Variants in DHRS12 observed in about 807,000 individuals in gnomAD.
DHRS12 encodes dehydrogenase/reductase 12.
Under a neutral mutation model 32.1 loss-of-function variants are expected in DHRS12, and 29 were observed. That is an observed-to-expected ratio of 0.90 (90% CI 0.67 to 1.23). DHRS12 has a LOEUF of 1.23. Among genes scored for constraint, DHRS12 ranks in the 50% most tolerant of loss-of-function variants. DHRS12 has a pLI of 0.00. For synonymous variants in DHRS12, 150 were observed against 135.9 expected (o/e 1.10, Z -0.72); for missense variants, 330 against 337.2 (o/e 0.98, Z 0.17).
intron 1 of DHRS12, chr13:51,803,773 C>T: frequency 6.9e-6 from 2 of 291,812 alleles, no homozygotes; most frequent in East Asian, 5.7e-5. Flanking sequence ...GGCGCCGGGG[C>T]CGCCTGACGT....
At chr13:51,767,965 A>C (rs542294069), downstream of DHRS12, 1 of 1,350,668 alleles carries the variant, frequency 7.4e-7, no homozygotes, top group South Asian at 1.9e-5. Context: ...AATGAGACTT[A>C]AAATAAGAAA....
At chr13:51,800,256 T>C (rs1023323860) in intron 1 of DHRS12, among the ~76,000 whole-genome samples, 19 of 152,258 alleles carry the variant, frequency 1.2e-4, no homozygotes, top group African/African-American at 4.3e-4. Context: ...TGCATTATGA[T>C]AATGTTCTGG....
At chr13:51,791,915 G>A (rs915587256) in intron 2 of DHRS12, among the ~76,000 whole-genome samples, 3 of 152,198 alleles carry the variant, frequency 2.0e-5, no homozygotes, top group South Asian at 2.1e-4. Flanking sequence ...CATCCATGTC[G>A]TTGCAGGATT....
At chr13:51,771,516 G>A in intron 7 of DHRS12, 1 of 1,613,478 alleles carries the variant, frequency 6.2e-7, no homozygotes, top group Non-Finnish European at 8.5e-7. Flanking sequence ...AATGACAATG[G>A]TCACCGGCTC....
chr13:51,789,105 C>T (rs939718001), intron 4 of DHRS12, among the ~76,000 whole-genome samples: 1 of 152,160 alleles, frequency 6.6e-6, no homozygotes, highest in Non-Finnish European at 1.5e-5. Context: ...GTTATTCCAT[C>T]GGCTTACTCA....
chr13:51,771,574 CCTG>C, intron 7 of DHRS12: 1 of 1,569,504 alleles, frequency 6.4e-7, no homozygotes, highest in South Asian at 1.2e-5. Flanking sequence ...CCCAGGCGCA[CCTG>C]CTCCCGTTCC....
chr13:51,773,566 T>C (rs1386837184), intron 6 of DHRS12, among the ~76,000 whole-genome samples: 1 of 151,924 alleles, frequency 6.6e-6, no homozygotes, highest in Non-Finnish European at 1.5e-5. Context: ...CCCCTCCCAG[T>C]GAGCCTCCGG....
chr13:51,796,364 C>G (rs550744544), intron 2 of DHRS12, among the ~76,000 whole-genome samples: 1 of 152,260 alleles, frequency 6.6e-6, no homozygotes, highest in East Asian at 1.9e-4. Flanking sequence ...CTGGACGCTC[C>G]ACCTCTGAGT....
chr13:51,782,689 G>A lies in DHRS12; in HGVS notation c.302-5568C>T, dbSNP rs984435537. 3.3e-4 allele frequency among the ~76,000 whole-genome samples: 50 copies of A among 152,138 alleles called. 1 individual carries two copies. The highest frequency in any genetic ancestry group is 7.4e-5 in the Non-Finnish European group (5 of 68,010). ...GATGTCACCCCCTGCTGTCACAGCC[G>A]CAGTATGGGGGTCCTGTGTGCTTCA... On this transcript the variant is annotated intron_variant, in intron 4 of 8. Transcript: ENST00000444610. The surrounding 1 kb of genome is among the most constrained non-coding windows in gnomAD (Gnocchi z 4.2).
chr13:51,768,840 T>C, intron 8 of DHRS12: 2 of 1,325,602 alleles, frequency 1.5e-6, no homozygotes, highest in Non-Finnish European at 1.9e-6. Context: ...CAGTGCAGCT[T>C]TGAATAGCGC....
chr13:51,801,248 G>A (rs1315899175), intron 1 of DHRS12, among the ~76,000 whole-genome samples: 1 of 152,112 alleles, frequency 6.6e-6, no homozygotes, highest in East Asian at 1.9e-4. Flanking sequence ...GTGCAGTGGC[G>A]CGATCTCGGC....
intron 2 of DHRS12, among the ~76,000 whole-genome samples, chr13:51,792,289 T>A (rs982594222): frequency 1.3e-5 from 2 of 152,230 alleles, no homozygotes; most frequent in African/African-American, 4.8e-5. Context: ...AGCAATAGCA[T>A]CCTGAGAGGT....
intron 1 of DHRS12, among the ~76,000 whole-genome samples, chr13:51,801,340 C>A (rs1007187446): frequency 6.6e-6 from 1 of 152,142 alleles, no homozygotes; most frequent in African/African-American, 2.4e-5. Context: ...GCGCCCGTCA[C>A]CACACCCGGC....
chr13:51,789,173 T>C (rs1195476086), intron 4 of DHRS12, among the ~76,000 whole-genome samples: 1 of 152,140 alleles, frequency 6.6e-6, no homozygotes, highest in Non-Finnish European at 1.5e-5. Context: ...CCTCAATGAC[T>C]CCAACAACCA....
chr13:51,797,286 G>C (rs1955550589), intron 2 of DHRS12, among the ~76,000 whole-genome samples: 1 of 151,954 alleles, frequency 6.6e-6, no homozygotes, highest in African/African-American at 2.4e-5. Flanking sequence ...TTTTACACAA[G>C]GGTCTTGCAT....
At chr13:51,789,774 C>T (rs1480790236) in intron 4 of DHRS12, 1 of 985,000 alleles carries the variant, frequency 1.0e-6, no homozygotes, top group Non-Finnish European at 1.2e-6. Flanking sequence ...CTAGCGCTTC[C>T]TAGGAAAAAA....
chr13:51,759,215 G>A, the DHRS12 span, among the ~76,000 whole-genome samples: 3 of 152,116 alleles, frequency 2.0e-5, no homozygotes, highest in Non-Finnish European at 2.9e-5. Context: ...GATAAACTCT[G>A]GCAGCCTCAG....
At chr13:51,773,384 G>A (rs933215402) in intron 6 of DHRS12, among the ~76,000 whole-genome samples, 2 of 152,168 alleles carry the variant, frequency 1.3e-5, no homozygotes, top group African/African-American at 4.8e-5. Flanking sequence ...CAAAGGTGTG[G>A]GATTTCCCAC....
At chr13:51,788,899 C>G (rs1955126672) in intron 4 of DHRS12, among the ~76,000 whole-genome samples, 1 of 151,968 alleles carries the variant, frequency 6.6e-6, no homozygotes, top group South Asian at 2.1e-4. Flanking sequence ...TGGGGACAAT[C>G]AGCGGGGCTT....
Sources: allele counts gnomAD v4.1 joint callset (sites outside exome capture counted in the v4.1 genomes callset), GRCh38; gene constraint gnomAD v4.1.1; non-coding constraint Gnocchi (gnomAD v3.1); transcripts MANE v1.5; gene names NCBI Gene and HGNC (gene_info 2026-07-23, HGNC 2026-07-21).